Variants in CDH12 observed in about 807,000 individuals in gnomAD.
The protein encoded by CDH12 is cadherin-12.
In CDH12, 41 loss-of-function variants were observed where a neutral mutation model predicts 74.1. That is an observed-to-expected ratio of 0.55 (90% CI 0.43 to 0.72). The LOEUF (loss-of-function observed/expected upper bound fraction) is 0.72, where lower values mean the gene tolerates loss of function less well. Among genes scored for constraint, CDH12 ranks in the 30% least tolerant of loss-of-function variants. CDH12 has a pLI of 0.00. For missense variants in CDH12, 945 were observed against 977.2 expected, an observed-to-expected ratio of 0.97 and a Z score of 0.44; for synonymous variants, 399 against 355.0, an observed-to-expected ratio of 1.12 and a Z score of -1.39.
At chr5:22,120,084 T>C (rs557479355) in intron 4 of CDH12, among the ~76,000 whole-genome samples, 12 of 152,324 alleles carry the variant, frequency 7.9e-5, no homozygotes, top group African/African-American at 2.9e-4. Flanking sequence ...TCTGATACTT[T>C]ATTTCCTTCA....
At chr5:21,962,702 G>T (rs890067635) in intron 6 of CDH12, among the ~76,000 whole-genome samples, 7 of 152,058 alleles carry the variant, frequency 4.6e-5, no homozygotes, top group Non-Finnish European at 8.8e-5. Context: ...CTTTTGATCT[G>T]CCATGCCTGG....
At chr5:22,519,584 C>T (rs1473055109) in intron 1 of CDH12, among the ~76,000 whole-genome samples, 5 of 151,802 alleles carry the variant, frequency 3.3e-5, no homozygotes, top group Non-Finnish European at 5.9e-5. Flanking sequence ...TCACCACACC[C>T]GGCTAATTTT....
At chr5:22,481,782 A>G (rs1382600075) in intron 2 of CDH12, among the ~76,000 whole-genome samples, 2 of 152,162 alleles carry the variant, frequency 1.3e-5, no homozygotes, top group Non-Finnish European at 2.9e-5. Context: ...TGTACAACAC[A>G]GTGCCTATAA....
chr5:22,257,200 AC>A (rs1753348514), intron 3 of CDH12, among the ~76,000 whole-genome samples: 1 of 152,186 alleles, frequency 6.6e-6, no homozygotes, highest in Non-Finnish European at 1.5e-5. Flanking sequence ...GAGGCAGAGA[AC>A]CAGGTAAAAT....
intron 3 of CDH12, among the ~76,000 whole-genome samples, chr5:22,272,594 T>C (rs1320419355): frequency 6.6e-6 from 1 of 152,158 alleles, no homozygotes; most frequent in Non-Finnish European, 1.5e-5. Context: ...TCATTTAAGG[T>C]GTGAGATGTG....
At chr5:22,647,555 A>T (rs1476829167) in intron 1 of CDH12, among the ~76,000 whole-genome samples, 1 of 151,638 alleles carries the variant, frequency 6.6e-6, no homozygotes, top group Non-Finnish European at 1.5e-5. Flanking sequence ...CTGTGTCCTC[A>T]CTGGTCACAG....
intron 1 of CDH12, among the ~76,000 whole-genome samples, chr5:22,766,787 G>C (rs1375550889): frequency 6.6e-6 from 1 of 152,020 alleles, no homozygotes; most frequent in Non-Finnish European, 1.5e-5. Context: ...CATTTACCTT[G>C]TATTAGATAT....
rs564810745 is a variant in CDH12 at position 22,578,755 on chromosome 5, AG to A, written c.-522-73392del. Among the ~76,000 whole-genome samples, 286 of 151,976 alleles carry A rather than the reference AG, an allele frequency of 1.9e-3. 1 individual carries two copies. Among genetic ancestry groups the A allele is most frequent in the African/African-American group, 6.6e-3 (272 of 41,478 alleles). ...TCTTTTTTTGGTGGGGGAGGGTAAC[AG>A]GGGTAAAAATATTGCCTGAATATGC... On this transcript the variant is annotated intron_variant, in intron 1 of 14. Transcript: ENST00000382254.
At chr5:22,628,238 G>A (rs1021789056) in intron 1 of CDH12, among the ~76,000 whole-genome samples, 1 of 151,982 alleles carries the variant, frequency 6.6e-6, no homozygotes, top group Non-Finnish European at 1.5e-5. Context: ...CTCGACACTT[G>A]ACCATATAGA....
intron 5 of CDH12, among the ~76,000 whole-genome samples, chr5:22,047,521 T>G (rs934962669): frequency 6.6e-6 from 1 of 151,382 alleles, no homozygotes; most frequent in African/African-American, 2.4e-5. Context: ...AAGATAAAAG[T>G]AAACACCCCC....
intron 1 of CDH12, among the ~76,000 whole-genome samples, chr5:22,592,445 T>A (rs1736380954): frequency 6.6e-6 from 1 of 152,222 alleles, no homozygotes; most frequent in Non-Finnish European, 1.5e-5. Context: ...CTCCTTCTTC[T>A]AGAATCATAC....
chr5:22,492,835 C>T (rs906782034), intron 2 of CDH12, among the ~76,000 whole-genome samples: 23 of 152,164 alleles, frequency 1.5e-4, no homozygotes, highest in African/African-American at 5.1e-4. Flanking sequence ...CCTGAGGTCA[C>T]CAATTATTTT....
At chr5:21,881,113 T>C (rs1387628413) in intron 6 of CDH12, among the ~76,000 whole-genome samples, 1 of 152,036 alleles carries the variant, frequency 6.6e-6, no homozygotes, top group Admixed American at 6.6e-5. Flanking sequence ...GAATATAAGG[T>C]ATAAAAATGA....
chr5:21,785,346 C>T lies in CDH12; in HGVS notation c.1257-1852G>A, dbSNP rs143001344. Among the ~76,000 whole-genome samples the T allele has an allele frequency of 2.2e-4, 34 of 152,248 alleles. No homozygotes were observed. The East Asian group carries it at 6.4e-3, about 29-fold the overall frequency. On this transcript the variant is annotated intron_variant, in intron 10 of 14. Coordinates refer to ENST00000382254, the MANE Select transcript of CDH12 (RefSeq NM_004061.5). ...AGTCGAGTAGTAATTCTACAGTGGCCTCTAACTGTTCAAATGAAAGAGTCA... is the reference window on the plus strand; with the variant it reads ...AGTCGAGTAGTAATTCTACAGTGGCTTCTAACTGTTCAAATGAAAGAGTCA...
chr5:22,566,786 A>C (rs958916163), intron 1 of CDH12, among the ~76,000 whole-genome samples: 1 of 152,126 alleles, frequency 6.6e-6, no homozygotes, highest in Non-Finnish European at 1.5e-5. Flanking sequence ...AACAATAATA[A>C]CATTACTAAA....
chr5:22,546,080 G>A (rs955847226), intron 1 of CDH12, among the ~76,000 whole-genome samples: 1 of 152,162 alleles, frequency 6.6e-6, no homozygotes, highest in South Asian at 2.1e-4. Context: ...AAGTAGCCAA[G>A]ATTACAGGTG....
intron 5 of CDH12, among the ~76,000 whole-genome samples, chr5:22,062,796 G>A (rs1741279979): frequency 6.6e-6 from 1 of 152,106 alleles, no homozygotes; most frequent in African/African-American, 2.4e-5. Context: ...CAACTCAGAA[G>A]GAGACTAACA....
intron 8 of CDH12, among the ~76,000 whole-genome samples, chr5:21,829,089 G>A (rs71601513): frequency 0.11 from 16,257 of 152,122 alleles, 1,330 homozygotes; most frequent in African/African-American, 0.23. Context: ...GAGGTCAGGA[G>A]TCTGAGGCCA....
chr5:21,765,555 A>G (rs952605776), intron 11 of CDH12, among the ~76,000 whole-genome samples: 1 of 151,974 alleles, frequency 6.6e-6, no homozygotes, highest in African/African-American at 2.4e-5. Context: ...AAAAAAAAAA[A>G]AGGGGAAAGA....
Sources: gnomAD v4.1 joint callset for allele counts (sites outside exome capture counted in the v4.1 genomes callset) on GRCh38, gnomAD v4.1.1 for gene constraint, MANE v1.5 for transcripts, NCBI Gene and HGNC (gene_info 2026-07-23, HGNC 2026-07-21) for gene names.